The following NELL1 variants were observed in gnomAD, a reference collection of about 807,000 sequenced individuals.
NELL1 encodes the protein protein kinase C-binding protein NELL1.
A neutral mutation model predicts 107.4 loss-of-function variants in NELL1; 76 were observed. That is an observed-to-expected ratio of 0.71 (90% CI 0.59 to 0.86). The LOEUF is 0.86. Ranked by LOEUF, NELL1 falls within the 40% of genes least tolerant of loss-of-function variation. The pLI, the probability that NELL1 is intolerant of heterozygous loss-of-function variation, is 0.00. For missense variants in NELL1, 1,024 were observed against 1,005.5 expected (o/e 1.02, Z -0.25); for synonymous variants, 353 against 341.2 (o/e 1.03, Z -0.38).
intron 13 of NELL1, among the ~76,000 whole-genome samples, chr11:21,139,087 G>T (rs1855806642): frequency 6.6e-6 from 1 of 152,180 alleles, no homozygotes; most frequent in African/African-American, 2.4e-5. Flanking sequence ...GTAATGCAGA[G>T]ATGGCTTGTG....
intron 5 of NELL1, among the ~76,000 whole-genome samples, chr11:20,888,167 C>A (rs1025059831): frequency 4.0e-5 from 6 of 151,784 alleles, no homozygotes; most frequent in African/African-American, 1.5e-4. Context: ...ACAGATTAGA[C>A]ACAGGTAGGA....
chr11:21,321,668 A>G (rs1305813377), intron 14 of NELL1, among the ~76,000 whole-genome samples: 1 of 152,166 alleles, frequency 6.6e-6, no homozygotes, highest in Non-Finnish European at 1.5e-5. Context: ...CTTCCATTTT[A>G]TAGATAAGAA....
At chr11:21,139,679 A>C (rs1855823583) in intron 13 of NELL1, among the ~76,000 whole-genome samples, 1 of 152,220 alleles carries the variant, frequency 6.6e-6, no homozygotes, top group African/African-American at 2.4e-5. Flanking sequence ...ACATTTGTTC[A>C]CATTGTAGGT....
intron 15 of NELL1, among the ~76,000 whole-genome samples, chr11:21,505,022 G>T (rs1321190785): frequency 6.6e-6 from 1 of 152,136 alleles, no homozygotes; most frequent in Non-Finnish European, 1.5e-5. Context: ...TAGTTTGAAT[G>T]AAGTGAAATA....
intron 15 of NELL1, among the ~76,000 whole-genome samples, chr11:21,404,014 C>CCA (rs1440980198): frequency 1.7e-5 from 2 of 116,540 alleles, no homozygotes; most frequent in East Asian, 3.2e-4. Context: ...AACCCCCCCC[C>CCA]CCGCAATCAA....
At position 21,488,452 on chromosome 11, in the gene NELL1, C is replaced by A. The variant is rs113581184; in HGVS notation, c.1646-45922C>A. Among the ~76,000 whole-genome samples, 260 of 152,032 alleles carry A rather than the reference C, an allele frequency of 1.7e-3. 1 individual carries two copies. Among genetic ancestry groups the A allele is most frequent in the African/African-American group, 5.8e-3 (240 of 41,460 alleles). On this transcript the variant is annotated intron_variant, in intron 15 of 19. Coordinates refer to ENST00000357134, the MANE Select transcript of NELL1 (RefSeq NM_006157.5). ...GTTCAGTCTTTGTATGATTTCCTGGCCTATAAGCAGCATTGGTGATATCTG... is the reference window on the plus strand; with the variant it reads ...GTTCAGTCTTTGTATGATTTCCTGGACTATAAGCAGCATTGGTGATATCTG...
In NELL1 at chr11:21,555,262, A is replaced by G. The variant is rs192022995; in HGVS notation, c.1787-4927A>G. 4.5e-4 allele frequency among the ~76,000 whole-genome samples: 69 copies of G among 152,050 alleles called. 1 individual carries two copies. In the East Asian group the frequency reaches 0.012, roughly 27 times the overall value. ...GGCAATATTATATTCCAGAAGGGTCACAGAGAGAGCTCTTAGACTGAAATA... is the reference window on the plus strand; with the variant it reads ...GGCAATATTATATTCCAGAAGGGTCGCAGAGAGAGCTCTTAGACTGAAATA... On this transcript the variant is annotated intron_variant, in intron 16 of 19. Transcript: ENST00000357134.
At chr11:21,132,913 G>A (rs1183176870) in intron 13 of NELL1, among the ~76,000 whole-genome samples, 1 of 152,162 alleles carries the variant, frequency 6.6e-6, no homozygotes, top group Non-Finnish European at 1.5e-5. Context: ...CAGAAAACTG[G>A]AGGGTGAGCA....
intron 12 of NELL1, among the ~76,000 whole-genome samples, chr11:20,974,320 T>A (rs772258598): frequency 5.9e-5 from 9 of 152,218 alleles, no homozygotes; most frequent in African/African-American, 1.2e-4. Context: ...GTCATCTTGC[T>A]CAGTCCTGTC....
intron 12 of NELL1, among the ~76,000 whole-genome samples, chr11:21,040,144 G>A (rs1170538208): frequency 6.8e-6 from 1 of 146,512 alleles, no homozygotes; most frequent in African/African-American, 2.5e-5. Flanking sequence ...TTTACAGGTT[G>A]AAATTATTAC....
intron 10 of NELL1, among the ~76,000 whole-genome samples, chr11:20,939,151 A>C (rs1482064893): frequency 6.6e-6 from 1 of 151,988 alleles, no homozygotes; most frequent in East Asian, 1.9e-4. Context: ...TAAAAAATGG[A>C]ATTGAAAGGA....
rs549619186 is a variant in NELL1 at position 20,771,791 on chromosome 11, C to T, written c.185-11889C>T. 1.4e-4 allele frequency among the ~76,000 whole-genome samples: 21 copies of T among 152,288 alleles called. 1 individual carries two copies. The South Asian group carries it at 4.1e-3, about 30-fold the overall frequency. On this transcript the variant is annotated intron_variant, in intron 2 of 19. Coordinates refer to ENST00000357134, the MANE Select transcript of NELL1 (RefSeq NM_006157.5). ...ACAACTGTCTTTTTGCCCGCGGAGC[C>T]ACAGGAGCTTACCTTTGAAACATTA...
chr11:20,996,429 A>T (rs531367881), intron 12 of NELL1, among the ~76,000 whole-genome samples: 483 of 152,266 alleles, frequency 3.2e-3, no homozygotes, highest in Middle Eastern at 0.014. Context: ...TTCTATCTTA[A>T]CCACTATGCT....
At chr11:20,748,776 T>TGGAAGAAA (rs1856061796) in intron 2 of NELL1, among the ~76,000 whole-genome samples, 2 of 150,454 alleles carry the variant, frequency 1.3e-5, no homozygotes, top group African/African-American at 5.0e-5. Context: ...CCATAGTATA[T>TGGAAGAAA]GCGTGTATAT....
At chr11:21,534,234 C>G (rs61194030) in intron 15 of NELL1, 140 bp from the exon 16 acceptor site, 126,991 of 885,772 alleles carry the variant, frequency 0.14, 10,655 homozygotes, top group African/African-American at 0.29. Context: ...ATGGGATTTG[C>G]TTCTTCCAGT....
At chr11:20,688,913 G>C (rs1854377631) in intron 2 of NELL1, among the ~76,000 whole-genome samples, 1 of 151,952 alleles carries the variant, frequency 6.6e-6, no homozygotes, top group African/African-American at 2.4e-5. Flanking sequence ...GGTGTATTTT[G>C]ACTCTTTTGA....
chr11:21,497,967 T>C (rs1564925629), intron 15 of NELL1, among the ~76,000 whole-genome samples: 1 of 152,050 alleles, frequency 6.6e-6, no homozygotes, highest in African/African-American at 2.4e-5. Context: ...TTACTACTCC[T>C]TCTTTGTCTG....
chr11:21,250,141 T>A (rs1858600582), intron 14 of NELL1, among the ~76,000 whole-genome samples: 1 of 152,198 alleles, frequency 6.6e-6, no homozygotes, highest in Non-Finnish European at 1.5e-5. Context: ...TTTAAAAGTG[T>A]CATAAGGGTT....
At chr11:21,107,021 G>A (rs1854985891) in intron 12 of NELL1, among the ~76,000 whole-genome samples, 1 of 152,120 alleles carries the variant, frequency 6.6e-6, no homozygotes, top group African/African-American at 2.4e-5. Flanking sequence ...TTTTAGAGCA[G>A]TTCTACGCTC....
Sources: gnomAD v4.1 joint callset for allele counts (sites outside exome capture counted in the v4.1 genomes callset) on GRCh38, gnomAD v4.1.1 for gene constraint, MANE v1.5 for transcripts, NCBI Gene and HGNC (gene_info 2026-07-23, HGNC 2026-07-21) for gene names.